TG: variants seen among roughly 807,000 people sequenced by gnomAD.
The protein encoded by TG is thyroglobulin.
TG carries 270 observed loss-of-function variants against 324.7 expected under a neutral mutation model. That is an observed-to-expected ratio of 0.83 (90% CI 0.75 to 0.92). The LOEUF is 0.92. Ranked by LOEUF, TG falls within the 40% of genes least tolerant of loss-of-function variation. The pLI is 0.00. For synonymous variants in TG, 1,401 were observed against 1,327.0 expected, an observed-to-expected ratio of 1.06 and a Z score of -1.21; for missense variants, 3,591 against 3,456.4, an observed-to-expected ratio of 1.04 and a Z score of -0.98.
chr8:133,123,677 T>C (rs745921269), intron 45 of TG, among the ~76,000 whole-genome samples: 44 of 152,088 alleles, frequency 2.9e-4, no homozygotes, highest in Admixed American at 3.9e-4. Flanking sequence ...CCTCTGCTGC[T>C]CATGAACAAA....
Position 132,930,470 on chromosome 8 carries a change from C to A in TG, c.4816+1278C>A, listed in dbSNP as rs577581653. ...TGAGCGGGGGTGGATCACCTGAGGT[C>A]AGGAGTTCGTGACCAGCCTGGCCAA... is the stretch of plus-strand genomic sequence containing the variant. On this transcript the variant is annotated intron_variant, in intron 23 of 47. Coordinates refer to ENST00000220616, the MANE Select transcript of TG (RefSeq NM_003235.5). 4.6e-5 allele frequency among the ~76,000 whole-genome samples: 7 copies of A among 152,284 alleles called. No individual in the cohort carries two copies. In the South Asian group the frequency reaches 6.2e-4, roughly 14 times the overall value.
chr8:133,075,285 A>G (rs2739159), intron 41 of TG, among the ~76,000 whole-genome samples: 114,824 of 152,046 alleles, frequency 0.76, 44,254 homozygotes, highest in African/African-American at 0.89. Flanking sequence ...CATCCCCAGA[A>G]CTCTCTGGGC....
At chr8:132,964,195 T>C (rs755225535) in intron 29 of TG, among the ~76,000 whole-genome samples, 9 of 152,002 alleles carry the variant, frequency 5.9e-5, no homozygotes, top group Non-Finnish European at 5.9e-5. Context: ...ACACACTACT[T>C]TAGGGCTACT....
At position 133,017,928 on chromosome 8, in the gene TG, T is replaced by C; in HGVS notation, c.6713T>C (p.Leu2238Pro). 1 of 1,614,200 alleles carries C rather than the reference T, an allele frequency of 6.2e-7. No homozygotes were observed. The highest frequency in any genetic ancestry group is 8.5e-7 in the Non-Finnish European group (1 of 1,180,042). ...GGAGTTCCATATGCTGCCCCGCCCC[T>C]GGCAGAGAGGCGCTTCCAGGCACCA... ...FLGVPYAAPPLAERRFQAPEP... is the reference protein window; with the variant it reads ...FLGVPYAAPPPAERRFQAPEP... Residue 2238 changes from leucine (L) to proline (P), a missense_variant, in exon 38 of 48, where the codon CTG becomes CCG. Physicochemically the swap from Leu to Pro is moderately conservative, Grantham distance 98. Coordinates refer to ENST00000220616, the MANE Select transcript of TG (RefSeq NM_003235.5).
intron 41 of TG, among the ~76,000 whole-genome samples, chr8:133,091,953 C>T (rs998250349): frequency 1.3e-5 from 2 of 151,858 alleles, no homozygotes; most frequent in African/African-American, 4.8e-5. Context: ...CCATCTGTGG[C>T]TGTGTGTCTG....
intron 20 of TG, among the ~76,000 whole-genome samples, chr8:132,918,235 C>T (rs1820651086): frequency 6.6e-6 from 1 of 152,184 alleles, no homozygotes; most frequent in African/African-American, 2.4e-5. Context: ...AAGTTAAGTT[C>T]TAGCTCTCTC....
rs770430032 is a variant in TG, at chr8:132,972,620, T to C, written c.6078T>C (p.Thr2026=). ...CAGGAGGAGAGGTGACATGTCTCACTCTGAACAGCTTGGGAATTCAGATGT... is the reference window on the plus strand; with the variant it reads ...CAGGAGGAGAGGTGACATGTCTCACCCTGAACAGCTTGGGAATTCAGATGT... ...QLKGGEVTCL[T]LNSLGIQMCS... The change falls in exon 34 of 48, where the codon ACT becomes ACC. Residue 2026 remains threonine, a synonymous_variant. Transcript: ENST00000220616. 1 of 1,546,146 alleles carries C rather than the reference T, an allele frequency of 6.5e-7. No individual in the cohort carries two copies. Among genetic ancestry groups the C allele is most frequent in the South Asian group, 1.1e-5 (1 of 90,344 alleles).
At chr8:133,097,208 T>C (rs1848558764) in intron 43 of TG, among the ~76,000 whole-genome samples, 1 of 152,218 alleles carries the variant, frequency 6.6e-6, no homozygotes, top group Non-Finnish European at 1.5e-5. Context: ...GGAATTTTAT[T>C]AAATCATGAA....
chr8:132,941,359 T>A lies in TG; in HGVS notation c.5050T>A (p.Ser1684Thr). ...PAVYLKKGQGSTTTLQKRFEP... is the reference protein window; with the variant it reads ...PAVYLKKGQGTTTTLQKRFEP... ...TTCTGCCTTTCCCCCAGGCCAAGGA[T>A]CCACCACAACACTTCAGAAACGCTT... is the stretch of plus-strand genomic sequence containing the variant. Residue 1684 changes from serine (S) to threonine (T), a missense_variant, in exon 26 of 48, where the codon TCC becomes ACC. By Grantham distance (58) the Ser-to-Thr change is moderately conservative. Coordinates refer to ENST00000220616, the MANE Select transcript of TG (RefSeq NM_003235.5). 17 of 1,614,226 alleles carry A rather than the reference T, an allele frequency of 1.1e-5. No homozygotes were observed. The highest frequency in any genetic ancestry group is 1.4e-5 in the Non-Finnish European group (17 of 1,180,044).
At chr8:132,960,909 G>C in intron 27 of TG, 99 bp from the exon 28 acceptor site, 2 of 1,211,176 alleles carry the variant, frequency 1.7e-6, no homozygotes, top group Non-Finnish European at 2.5e-6. Context: ...TTCAGGCCTA[G>C]GAAGAGCCTG....
intron 43 of TG, chr8:133,102,527 C>T (rs4478553): frequency 0.27 from 418,669 of 1,549,224 alleles, 57,658 homozygotes; most frequent in African/African-American, 0.34. Context: ...CAGGGGGTCC[C>T]AATGACAGCA....
Position 133,061,553 on chromosome 8 carries a change from G to A in TG, c.7239+31530G>A, listed in dbSNP as rs183669335. 2.1e-3 allele frequency among the ~76,000 whole-genome samples: 313 copies of A among 152,310 alleles called. 1 individual carries two copies. In the Middle Eastern group the frequency reaches 0.024, roughly 12 times the overall value. On this transcript the variant is annotated intron_variant, in intron 41 of 47. Transcript: ENST00000220616. The stretch of plus-strand genomic sequence containing the variant: ...GAGAATAGGGTTTTAGGGAAGCCAC[G>A]TTCCCTCTGGATGGTGGAAGCACAG...
At chr8:133,049,084 T>C in intron 41 of TG, 1 of 448,644 alleles carries the variant, frequency 2.2e-6, no homozygotes, top group Non-Finnish European at 4.5e-6. Context: ...GAAGCGACTT[T>C]TACAGGACCC....
intron 35 of TG, among the ~76,000 whole-genome samples, chr8:133,001,301 G>A (rs1035408317): frequency 1.3e-5 from 2 of 152,182 alleles, no homozygotes; most frequent in Non-Finnish European, 1.5e-5. Flanking sequence ...GAAGATAAGA[G>A]TGTGCTCACT....
At chr8:132,911,672 A>G (rs943416253) in intron 19 of TG, 139 bp downstream of exon 19, 1 of 716,676 alleles carries the variant, frequency 1.4e-6, no homozygotes, top group Non-Finnish European at 2.4e-6. Context: ...ATTATTTAAA[A>G]ACATATAATA....
intron 10 of TG, among the ~76,000 whole-genome samples, chr8:132,892,061 G>A (rs1563917827): frequency 1.3e-5 from 2 of 152,334 alleles, no homozygotes; most frequent in East Asian, 1.9e-4. Flanking sequence ...AGATCAGGAG[G>A]CTGAAGCTCG....
At chr8:132,905,293 A>G (rs1818519450) in intron 16 of TG, among the ~76,000 whole-genome samples, 1 of 152,158 alleles carries the variant, frequency 6.6e-6, no homozygotes, top group African/African-American at 2.4e-5. Flanking sequence ...CTCATAGGTG[A>G]ACTCTTGCCA....
chr8:132,985,943 G>T (rs1247787833), intron 35 of TG, among the ~76,000 whole-genome samples: 2 of 151,634 alleles, frequency 1.3e-5, no homozygotes, highest in East Asian at 3.9e-4. Context: ...ACTTCATTTT[G>T]CAGGGGGTTG....
intron 35 of TG, 26 bp from the exon 36 acceptor site, chr8:133,011,875 T>C (rs1197631682): frequency 6.2e-7 from 1 of 1,614,028 alleles, no homozygotes; most frequent in Non-Finnish European, 8.5e-7. Flanking sequence ...CAACTGCATG[T>C]GACTGTCCGT....
Sources: gnomAD v4.1 joint callset for allele counts (sites outside exome capture counted in the v4.1 genomes callset) on GRCh38, gnomAD v4.1.1 for gene constraint, MANE v1.5 for transcripts, NCBI Gene and HGNC (gene_info 2026-07-23, HGNC 2026-07-21) for gene names.